Variants in CD84 observed in about 807,000 individuals in gnomAD.
CD84 encodes SLAM family member 5.
A neutral mutation model predicts 33.8 loss-of-function variants in CD84; 22 were observed. That is an observed-to-expected ratio of 0.65 (90% confidence interval 0.46 to 0.93). The LOEUF (loss-of-function observed/expected upper bound fraction) is 0.93, where lower values mean the gene tolerates loss of function less well. CD84 is among the 40% of genes least tolerant of loss of function. CD84 has a pLI of 0.00. For missense variants in CD84, 400 were observed against 397.6 expected (o/e 1.01, Z -0.05); for synonymous variants, 154 against 145.2 (o/e 1.06, Z -0.44).
intron 4 of CD84, chr1:160,551,264 G>T: frequency 2.1e-6 from 1 of 478,196 alleles, no homozygotes; most frequent in East Asian, 4.1e-5. Flanking sequence ...TCCAGATTAG[G>T]CCAAAGACAA....
intron 2 of CD84, among the ~76,000 whole-genome samples, chr1:160,554,496 C>T (rs1311839368): frequency 6.6e-6 from 1 of 151,964 alleles, no homozygotes; most frequent in Admixed American, 6.6e-5. Context: ...AGCTAGGACT[C>T]GATTTACTGT....
intron 6 of CD84, 62 bp downstream of exon 6, chr1:160,549,854 CG>C (rs1656082246): frequency 1.6e-6 from 2 of 1,223,526 alleles, no homozygotes; most frequent in East Asian, 4.6e-5. Flanking sequence ...TTGGATGGAC[CG>C]GGTGCACCAG....
chr1:160,563,180 C>G (rs2102173308), intron 2 of CD84, among the ~76,000 whole-genome samples: 1 of 152,254 alleles, frequency 6.6e-6, no homozygotes, highest in Non-Finnish European at 1.5e-5. Flanking sequence ...TTGTGGAAGA[C>G]AGTGTGGCCA....
chr1:160,564,448 G>T (rs1357866063), intron 2 of CD84, among the ~76,000 whole-genome samples: 2 of 152,182 alleles, frequency 1.3e-5, no homozygotes, highest in African/African-American at 4.8e-5. Context: ...ATTTCATGCA[G>T]AAATGTGTAC....
At chr1:160,556,404 T>A (rs1656610814) in intron 2 of CD84, among the ~76,000 whole-genome samples, 1 of 152,242 alleles carries the variant, frequency 6.6e-6, no homozygotes, top group African/African-American at 2.4e-5. Flanking sequence ...AATTTTTCCC[T>A]AAATACAATT....
chr1:160,541,913 G>C lies in CD84; in HGVS notation c.*6343C>G, dbSNP rs1655561487. The C allele has an allele frequency of 6.6e-6, 1 of 152,236 alleles. No individual in the cohort carries two copies. Among genetic ancestry groups the C allele is most frequent in the African/African-American group, 2.4e-5 (1 of 41,450 alleles). The allele number at this position is 152,236 out of a possible 1,614,324, so 9.4% of individuals were successfully genotyped here. Reference sequence around the variant, plus strand: ...GGGAGTGAGCATGTAGAGGGAAGGTGTATTAGAGAATTAGGCCAATTAAGG... The same window carrying C: ...GGGAGTGAGCATGTAGAGGGAAGGTCTATTAGAGAATTAGGCCAATTAAGG... On this transcript the variant is annotated 3_prime_UTR_variant, in exon 7 of 7. Coordinates refer to ENST00000368054, the MANE Select transcript of CD84 (RefSeq NM_003874.4).
rs3766388 is a variant in CD84 at position 160,547,689 on chromosome 1, C to T, written c.*567G>A. ...CATTCTGCTCTCCAAGCCATGCACT[C>T]GGGGGAAGGGCTGCATCTGCCTCAA... On this transcript the variant is annotated 3_prime_UTR_variant, in exon 7 of 7. Transcript: ENST00000368054. The T allele has an allele frequency of 7.5e-3, 1,187 of 159,004 alleles. 18 individuals are homozygous for T. The highest frequency in any genetic ancestry group is 0.027 in the African/African-American group (1,133 of 41,646). 9.8% of individuals were successfully genotyped at this position (159,004 alleles called of 1,614,324 possible). A position where few individuals can be genotyped will look rare whatever the true frequency, so the allele number is the denominator to read the frequency against.
Position 160,547,271 on chromosome 1 carries a change from A to C in CD84, c.*985T>G, listed in dbSNP as rs1557966201. On this transcript the variant is annotated 3_prime_UTR_variant, in exon 7 of 7. Transcript: ENST00000368054. The stretch of plus-strand genomic sequence containing the variant: ...CTGGAGAATGACTCTGCTTCTTGCA[A>C]GGTCTTCTATTTTGATGGTTGGATT... 2.5e-6 allele frequency: 1 copy of C among 398,232 alleles called. No individual in the cohort carries two copies. Among genetic ancestry groups the C allele is most frequent in the Non-Finnish European group, 4.4e-6 (1 of 226,006 alleles). The allele number at this position is 398,232 out of a possible 1,614,324, so 24.7% of individuals were successfully genotyped here. A position where few individuals can be genotyped will look rare whatever the true frequency, so the allele number is the denominator to read the frequency against.
At chr1:160,567,937 G>C (rs1243612329) in intron 1 of CD84, among the ~76,000 whole-genome samples, 2 of 152,128 alleles carry the variant, frequency 1.3e-5, no homozygotes, top group African/African-American at 4.8e-5. Flanking sequence ...TGGACTTAAG[G>C]CTGCGTTGCC....
At chr1:160,569,722 G>A (rs1219679599) in intron 1 of CD84, among the ~76,000 whole-genome samples, 1 of 152,138 alleles carries the variant, frequency 6.6e-6, no homozygotes, top group East Asian at 1.9e-4. Flanking sequence ...GGATTTTGAA[G>A]GCTGAATAGA....
chr1:160,550,023 A>T, intron 5 of CD84, 44 bp from the exon 6 acceptor site: 1 of 1,221,328 alleles, frequency 8.2e-7, no homozygotes, highest in South Asian at 1.2e-5. Context: ...GCCCAGGCCC[A>T]TCTACAAGTC....
intron 4 of CD84, 63 bp from the exon 5 acceptor site, chr1:160,551,098 T>C: frequency 8.7e-7 from 1 of 1,152,688 alleles, no homozygotes. Context: ...CAATGATCTA[T>C]TCCAATGTTC....
chr1:160,550,394 C>T (rs890511690), intron 5 of CD84, among the ~76,000 whole-genome samples: 1 of 151,036 alleles, frequency 6.6e-6, no homozygotes, highest in African/African-American at 2.4e-5. Context: ...GGTGGGGACA[C>T]AGGAGAGGGC....
In CD84 at chr1:160,547,172, C is replaced by T. The variant is rs1655881768; in HGVS notation, c.*1084G>A. On this transcript the variant is annotated 3_prime_UTR_variant, in exon 7 of 7. Coordinates refer to ENST00000368054, the MANE Select transcript of CD84 (RefSeq NM_003874.4). ...TGGCGGCACTCTGCCTCAGCTTAAA[C>T]TCTAGTTCTCTGAGTCTTTGGAACT... 5.0e-6 allele frequency: 2 copies of T among 398,738 alleles called. No individual in the cohort carries two copies. The highest frequency in any genetic ancestry group is 6.2e-4 in the Middle Eastern group (1 of 1,610). 24.7% of individuals were successfully genotyped at this position (398,738 alleles called of 1,614,324 possible).
chr1:160,552,465 T>A (rs547009943), intron 4 of CD84, among the ~76,000 whole-genome samples: 11 of 152,346 alleles, frequency 7.2e-5, no homozygotes, highest in African/African-American at 2.4e-4. Context: ...GTATTTTGTA[T>A]TTCTAATTCC....
intron 4 of CD84, among the ~76,000 whole-genome samples, chr1:160,551,745 A>G (rs1656243846): frequency 6.6e-6 from 1 of 152,156 alleles, no homozygotes; most frequent in Admixed American, 6.5e-5. Context: ...GGGTTTCACC[A>G]TGTTGCCCAG....
Position 160,565,393 on chromosome 1 carries a change from C to G in CD84, c.388+11G>C. 2 of 1,574,248 alleles carry G rather than the reference C, an allele frequency of 1.3e-6. No individual in the cohort carries two copies. The highest frequency in any genetic ancestry group is 1.7e-6 in the Non-Finnish European group (2 of 1,157,958). On this transcript the variant is annotated intron_variant, in intron 2 of 6. Coordinates refer to ENST00000368054, the MANE Select transcript of CD84 (RefSeq NM_003874.4). ...AATAAAACACAAGCTCTCCGTCTTC[C>G]CATGACTTACGATAGATTTGCAGGT... is the stretch of plus-strand genomic sequence containing the variant.
rs1310923823 is a variant in CD84, at chr1:160,541,574, G to A, written c.*6682C>T. 1.3e-5 allele frequency: 2 copies of A among 152,196 alleles called. No individual in the cohort carries two copies. Among genetic ancestry groups the A allele is most frequent in the African/African-American group, 4.8e-5 (2 of 41,446 alleles). 9.4% of individuals were successfully genotyped at this position (152,196 alleles called of 1,614,324 possible). A position where few individuals can be genotyped will look rare whatever the true frequency, so the allele number is the denominator to read the frequency against. On this transcript the variant is annotated 3_prime_UTR_variant, in exon 7 of 7. Transcript: ENST00000368054. ...ATTTCGCTTTGGACGGGAGGTTTTA[G>A]AAGGCCGCACAAGAGGGATATTCAG...
At chr1:160,570,972 A>G (rs1657655628) in intron 1 of CD84, 1 of 152,216 alleles carries the variant, frequency 6.6e-6, no homozygotes, top group Non-Finnish European at 1.5e-5. Context: ...TCTTAGACAG[A>G]CATTCTGAGT....
Sources: allele counts gnomAD v4.1 joint callset (sites outside exome capture counted in the v4.1 genomes callset), GRCh38; gene constraint gnomAD v4.1.1; transcripts MANE v1.5; gene names NCBI Gene and HGNC (gene_info 2026-07-23, HGNC 2026-07-21).